Variants in AK8 observed in about 807,000 individuals in gnomAD.
The protein encoded by AK8 is adenylate kinase 8.
AK8 carries 44 observed loss-of-function variants against 54.6 expected under a neutral mutation model. The ratio of observed to expected loss-of-function variants is 0.81; its 90% CI spans 0.63 to 1.04. The LOEUF (loss-of-function observed/expected upper bound fraction) is 1.04. AK8 is among the 50% of genes least tolerant of loss of function. The pLI is 0.00. For missense variants in AK8, 555 were observed against 613.6 expected (o/e 0.90, Z 1.01); for synonymous variants, 239 against 245.6 (o/e 0.97, Z 0.25).
intron 10 of AK8, among the ~76,000 whole-genome samples, chr9:132,811,785 C>A (rs1225118865): frequency 6.6e-6 from 1 of 152,154 alleles, no homozygotes; most frequent in South Asian, 2.1e-4. Context: ...AATAAGATCA[C>A]CAGGGATGTT....
chr9:132,809,112 C>A (rs1840868537), intron 10 of AK8, among the ~76,000 whole-genome samples: 1 of 152,196 alleles, frequency 6.6e-6, no homozygotes, highest in East Asian at 1.9e-4. Context: ...TCCTAACAGG[C>A]AGGGGAGTGA....
At chr9:132,748,226 G>A (rs905490150) in intron 11 of AK8, among the ~76,000 whole-genome samples, 3 of 151,428 alleles carry the variant, frequency 2.0e-5, no homozygotes, top group African/African-American at 7.3e-5. Context: ...CGTAAGACTG[G>A]ACCGGAAGTT....
At chr9:132,809,027 G>T (rs1212013333) in intron 10 of AK8, among the ~76,000 whole-genome samples, 1 of 152,220 alleles carries the variant, frequency 6.6e-6, no homozygotes, top group African/African-American at 2.4e-5. Flanking sequence ...AGGGGCCTCT[G>T]CCCCATGGCG....
upstream of AK8, chr9:132,878,511 C>A: frequency 8.4e-7 from 1 of 1,196,262 alleles, no homozygotes; most frequent in Non-Finnish European, 1.0e-6. This position sits in a 1 kb window ranked among gnomAD's most constrained non-coding sequence, Gnocchi z 4.7. Flanking sequence ...CAGGTGGCTT[C>A]CAGCTGGGCC....
At chr9:132,756,408 C>T (rs1042685952) in intron 11 of AK8, among the ~76,000 whole-genome samples, 1 of 152,174 alleles carries the variant, frequency 6.6e-6, no homozygotes, top group African/African-American at 2.4e-5. Flanking sequence ...CGAAGCCAGG[C>T]GGGGAGCCAG....
At chr9:132,743,594 C>A (rs1471839297) in intron 11 of AK8, among the ~76,000 whole-genome samples, 1 of 152,218 alleles carries the variant, frequency 6.6e-6, no homozygotes, top group Admixed American at 6.5e-5. Flanking sequence ...TGTCTTTTAA[C>A]CTTTTCTGCA....
At chr9:132,774,326 A>G (rs770498979) in intron 11 of AK8, among the ~76,000 whole-genome samples, 5 of 152,178 alleles carry the variant, frequency 3.3e-5, no homozygotes, top group Non-Finnish European at 7.3e-5. Flanking sequence ...CGATGCCTGG[A>G]GTCTTACAAT....
rs1027081022 is a variant in AK8, at chr9:132,837,730, A to G, written c.403-9004T>C. 6.6e-6 allele frequency among the ~76,000 whole-genome samples: 1 copy of G among 152,160 alleles called. No homozygotes were observed. Among genetic ancestry groups the G allele is most frequent in the Non-Finnish European group, 1.5e-5 (1 of 68,036 alleles). Reference sequence around the variant, plus strand: ...CCACACGTGCCCTTAAGAAGCCCATATCACACCAACCAACCAACCACGCCT... The same window carrying G: ...CCACACGTGCCCTTAAGAAGCCCATGTCACACCAACCAACCAACCACGCCT... On this transcript the variant is annotated intron_variant, in intron 5 of 12. Transcript: ENST00000298545. This position sits in a 1 kb window ranked among gnomAD's most constrained non-coding sequence, Gnocchi z 4.3.
At chr9:132,740,727 C>A (rs987036402) in intron 11 of AK8, among the ~76,000 whole-genome samples, 4 of 152,178 alleles carry the variant, frequency 2.6e-5, no homozygotes, top group African/African-American at 9.7e-5. Flanking sequence ...CCGCCCCACT[C>A]TGGGGCTGCA....
intron 11 of AK8, among the ~76,000 whole-genome samples, chr9:132,777,989 C>A (rs559541528): frequency 6.6e-6 from 1 of 152,186 alleles, no homozygotes; most frequent in African/African-American, 2.4e-5. Context: ...TCTCGAGGTG[C>A]GAAGGAGCGC....
intron 5 of AK8, among the ~76,000 whole-genome samples, chr9:132,846,261 T>C (rs1842744659): frequency 1.3e-5 from 2 of 152,334 alleles, no homozygotes; most frequent in South Asian, 4.1e-4. Flanking sequence ...CCTTCTGCAA[T>C]GGATGTGTGG....
chr9:132,725,970 A>G, intron 12 of AK8, 45 bp from the exon 13 acceptor site: 1 of 1,572,634 alleles, frequency 6.4e-7, no homozygotes, highest in Non-Finnish European at 8.7e-7. Context: ...CCTGGCCTGG[A>G]AGCAGGGGAG....
At chr9:132,806,785 A>G (rs915546835) in intron 10 of AK8, among the ~76,000 whole-genome samples, 29 of 152,192 alleles carry the variant, frequency 1.9e-4, no homozygotes, top group African/African-American at 6.8e-4. Flanking sequence ...GGCTCTTGAA[A>G]ACACATCATC....
At chr9:132,804,208 T>C (rs1281946949) in intron 10 of AK8, among the ~76,000 whole-genome samples, 3 of 151,088 alleles carry the variant, frequency 2.0e-5, no homozygotes, top group Admixed American at 2.0e-4. Context: ...GAGGGCAGCA[T>C]CTGGGCCCTG....
At chr9:132,800,412 A>AT (rs1157441760) in intron 10 of AK8, among the ~76,000 whole-genome samples, 6 of 152,176 alleles carry the variant, frequency 3.9e-5, no homozygotes, top group African/African-American at 1.4e-4. Context: ...GGAGAAGAGA[A>AT]TGAGGAGAAA....
At chr9:132,827,207 G>A (rs1195586065) in intron 7 of AK8, 153 bp from the exon 8 acceptor site, 2 of 689,364 alleles carry the variant, frequency 2.9e-6, no homozygotes, top group Non-Finnish European at 5.1e-6. Context: ...CTCAACACCA[G>A]CACTTCCAGC....
At position 132,747,044 on chromosome 9, in the gene AK8, C is replaced by T. The variant is rs71503156; in HGVS notation, c.1122-19510G>A. On this transcript the variant is annotated intron_variant, in intron 11 of 12. Transcript: ENST00000298545. Reference sequence around the variant, plus strand: ...AAACAGTATTCTCAATGCATATATGCGGCAACTGAGGCTCAGGGTAGCCAA... The same window carrying T: ...AAACAGTATTCTCAATGCATATATGTGGCAACTGAGGCTCAGGGTAGCCAA... 4.9e-3 allele frequency among the ~76,000 whole-genome samples: 746 copies of T among 152,284 alleles called. 3 individuals are homozygous for T. The highest frequency in any genetic ancestry group is 0.02 in the Middle Eastern group (6 of 294).
chr9:132,856,398 C>T (rs1843173637), intron 4 of AK8, among the ~76,000 whole-genome samples: 1 of 152,242 alleles, frequency 6.6e-6, no homozygotes, highest in African/African-American at 2.4e-5. Flanking sequence ...CCTCACACAC[C>T]TAACCAGTAG....
chr9:132,873,465 G>A (rs1843946791), intron 2 of AK8, among the ~76,000 whole-genome samples: 1 of 152,192 alleles, frequency 6.6e-6, no homozygotes. Context: ...AGAGGACTGT[G>A]CTGCACTGCA....
Sources: gnomAD v4.1 joint callset for allele counts (sites outside exome capture counted in the v4.1 genomes callset) on GRCh38, gnomAD v4.1.1 for gene constraint, Gnocchi (gnomAD v3.1) non-coding constraint, MANE v1.5 for transcripts, NCBI Gene and HGNC (gene_info 2026-07-23, HGNC 2026-07-21) for gene names.